The following ALDH8A1 variants were observed in gnomAD, a reference collection of about 807,000 sequenced individuals.
The protein encoded by ALDH8A1 is aldehyde dehydrogenase 8 family member A1.
ALDH8A1 carries 39 observed loss-of-function variants against 43.3 expected under a neutral mutation model. The observed-to-expected ratio is 0.90, with a 90% CI of 0.70 to 1.18. The LOEUF (loss-of-function observed/expected upper bound fraction) is 1.18, where lower values mean the gene tolerates loss of function less well. Among genes scored for constraint, ALDH8A1 ranks in the 50% most tolerant of loss-of-function variants. The probability of loss-of-function intolerance (pLI) is 0.00; values close to 1 mark genes in which losing one functional copy is unlikely to be tolerated. For synonymous variants in ALDH8A1, 233 were observed against 243.5 expected, an observed-to-expected ratio of 0.96 and a Z score of 0.40; for missense variants, 605 against 622.6, an observed-to-expected ratio of 0.97 and a Z score of 0.30.
At chr6:134,935,704 A>G (rs576891134) in intron 4 of ALDH8A1, among the ~76,000 whole-genome samples, 1 of 152,178 alleles carries the variant, frequency 6.6e-6, no homozygotes, top group Non-Finnish European at 1.5e-5. Context: ...AGGTTAGACA[A>G]TCTCTCCTCA....
intron 6 of ALDH8A1, among the ~76,000 whole-genome samples, chr6:134,922,929 G>C (rs939640859): frequency 1.3e-5 from 2 of 152,176 alleles, no homozygotes; most frequent in Non-Finnish European, 2.9e-5. Flanking sequence ...CCTTAGGACT[G>C]TAAGATGCCA....
intron 6 of ALDH8A1, among the ~76,000 whole-genome samples, chr6:134,921,276 A>G (rs548905107): frequency 8.5e-5 from 13 of 152,304 alleles, no homozygotes; most frequent in African/African-American, 2.9e-4. Flanking sequence ...TGCACCCATC[A>G]GCTTCTTCTG....
chr6:134,925,534 A>G (rs575696285), intron 6 of ALDH8A1, among the ~76,000 whole-genome samples: 2 of 152,334 alleles, frequency 1.3e-5, no homozygotes, highest in East Asian at 3.9e-4. Context: ...GATACCTTAA[A>G]TTTGGAGGAT....
At chr6:134,927,818 T>C (rs1776911178) in intron 6 of ALDH8A1, among the ~76,000 whole-genome samples, 1 of 152,074 alleles carries the variant, frequency 6.6e-6, no homozygotes. Context: ...TGGGGCATAC[T>C]AACATTGTTT....
chr6:134,932,436 G>T (rs1398871712), intron 5 of ALDH8A1, among the ~76,000 whole-genome samples: 1 of 152,064 alleles, frequency 6.6e-6, no homozygotes, highest in Admixed American at 6.6e-5. Context: ...CAAAGACAGG[G>T]TTTAAGAAAA....
chr6:134,937,147 C>T lies in ALDH8A1; in HGVS notation c.592+2119G>A, dbSNP rs148519318. ...AATTTCCAAGAAGAAATGACTATTC[C>T]AGGAATCCCACAGAAGTATTCACTG... is the stretch of plus-strand genomic sequence containing the variant. On this transcript the variant is annotated intron_variant, in intron 4 of 6. Coordinates refer to ENST00000265605, the MANE Select transcript of ALDH8A1 (RefSeq NM_022568.4). 1.5e-3 allele frequency among the ~76,000 whole-genome samples: 226 copies of T among 152,266 alleles called. 1 individual carries two copies. Among genetic ancestry groups the T allele is most frequent in the Middle Eastern group, 0.014 (4 of 294 alleles).
At chr6:134,922,502 C>T (rs1426081913) in intron 6 of ALDH8A1, among the ~76,000 whole-genome samples, 2 of 152,018 alleles carry the variant, frequency 1.3e-5, no homozygotes, top group African/African-American at 4.8e-5. Context: ...ATTCTCCTGC[C>T]TCAGCCTCCC....
At chr6:134,944,147 A>G (rs1773911266) in intron 1 of ALDH8A1, 181 bp from the exon 2 acceptor site, 1 of 692,588 alleles carries the variant, frequency 1.4e-6, no homozygotes. Flanking sequence ...GGCTCACTGC[A>G]ACCTCTGCCT....
rs569878680 is a variant in ALDH8A1, at chr6:134,923,320, G to A, written c.1012-4453C>T. On this transcript the variant is annotated intron_variant, in intron 6 of 6. Transcript: ENST00000265605. Reference sequence around the variant, plus strand: ...GCTAGGATTACAGGCATGAGCCACCGTGCCCAGCGAAGGTTTATTAAAAAA... The same window carrying A: ...GCTAGGATTACAGGCATGAGCCACCATGCCCAGCGAAGGTTTATTAAAAAA... 3.3e-5 allele frequency among the ~76,000 whole-genome samples: 5 copies of A among 151,630 alleles called. No homozygotes were observed. In the South Asian group the frequency reaches 6.2e-4, roughly 19 times the overall value.
chr6:134,931,633 C>A (rs1407318341), intron 5 of ALDH8A1, among the ~76,000 whole-genome samples: 1 of 151,974 alleles, frequency 6.6e-6, no homozygotes, highest in Non-Finnish European at 1.5e-5. Context: ...CAAAATTTGT[C>A]CCTCTGTTGT....
intron 4 of ALDH8A1, among the ~76,000 whole-genome samples, chr6:134,933,789 A>T (rs1033107986): frequency 6.6e-6 from 1 of 152,060 alleles, no homozygotes; most frequent in Non-Finnish European, 1.5e-5. Flanking sequence ...GCTCACTGCA[A>T]CCTCTGCCTC....
chr6:134,933,177 T>A (rs970218543), intron 4 of ALDH8A1, 145 bp from the exon 5 acceptor site: 4 of 922,768 alleles, frequency 4.3e-6, no homozygotes, highest in Admixed American at 6.6e-5. Context: ...CACTTGGAAC[T>A]TCTATGGCTG....
chr6:134,928,387 T>C (rs775381127), intron 6 of ALDH8A1, among the ~76,000 whole-genome samples: 1 of 152,226 alleles, frequency 6.6e-6, no homozygotes, highest in Non-Finnish European at 1.5e-5. Flanking sequence ...ACGTAAATGC[T>C]CTGTCTCTCA....
intron 6 of ALDH8A1, among the ~76,000 whole-genome samples, chr6:134,925,920 G>A (rs1776874778): frequency 6.6e-6 from 1 of 152,126 alleles, no homozygotes; most frequent in Admixed American, 6.5e-5. Flanking sequence ...ACAAGAGCAA[G>A]GGCCAAGAAG....
In ALDH8A1 at chr6:134,919,882, C is replaced by G. The variant is rs184970829; in HGVS notation, c.1012-1015G>C. On this transcript the variant is annotated intron_variant, in intron 6 of 6. Transcript: ENST00000265605. ...TATTATTCTATTATTAAATTTGCTC[C>G]AAGTTTGTAGAATTAATAAGCCATG... Among the ~76,000 whole-genome samples, 13 of 152,166 alleles carry G rather than the reference C, an allele frequency of 8.5e-5. No individual in the cohort carries two copies. In the East Asian group the frequency reaches 2.5e-3, roughly 29 times the overall value.
intron 2 of ALDH8A1, 21 bp downstream of exon 2, chr6:134,943,798 C>T (rs780270161): frequency 1.9e-6 from 3 of 1,611,880 alleles, no homozygotes; most frequent in Non-Finnish European, 2.5e-6. Context: ...TCCCATGTTA[C>T]AGTTAAGAGG....
chr6:134,944,162 G>T (rs748314746), intron 1 of ALDH8A1, 196 bp from the exon 2 acceptor site: 2 of 592,262 alleles, frequency 3.4e-6, no homozygotes, highest in Admixed American at 3.6e-5. Context: ...CTGCCTCCGG[G>T]GTTCAAGTGA....
Position 134,932,956 on chromosome 6 carries a change from C to G in ALDH8A1, c.669G>C (p.Glu223Asp). The G allele has an allele frequency of 6.2e-7, 1 of 1,613,746 alleles. No individual in the cohort carries two copies. Among genetic ancestry groups the G allele is most frequent in the East Asian group, 2.2e-5 (1 of 44,882 alleles). The change falls in exon 5 of 7, where the codon GAG (glutamate) becomes GAC (aspartate). Residue 223 changes from glutamate (E) to aspartate (D), a missense_variant. Physicochemically the swap from Glu to Asp is conservative, Grantham distance 45. Transcript: ENST00000265605. ...RVGEALVSHP[E>D]VPLISFTGSQ... ...TCCCGGTGAAGGAGATCAGGGGCACCTCTGGGTGGGACACCAGGGCCTCAC... is the reference window on the plus strand; with the variant it reads ...TCCCGGTGAAGGAGATCAGGGGCACGTCTGGGTGGGACACCAGGGCCTCAC...
chr6:134,923,288 C>T (rs1776834758), intron 6 of ALDH8A1, among the ~76,000 whole-genome samples: 1 of 151,864 alleles, frequency 6.6e-6, no homozygotes. Context: ...CCTCGGCCTC[C>T]CACAGTGCTA....
Sources: gnomAD v4.1 joint callset for allele counts (sites outside exome capture counted in the v4.1 genomes callset) on GRCh38, gnomAD v4.1.1 for gene constraint, MANE v1.5 for transcripts, NCBI Gene and HGNC (gene_info 2026-07-23, HGNC 2026-07-21) for gene names.